Variants in ANP32B observed in about 807,000 individuals in gnomAD.
ANP32B encodes the protein acidic nuclear phosphoprotein 32 family member B.
In ANP32B, 6 loss-of-function variants were observed where a neutral mutation model predicts 32.2. That is an observed-to-expected ratio of 0.19 (90% CI 0.10 to 0.37). The LOEUF (loss-of-function observed/expected upper bound fraction) is 0.37. Among genes scored for constraint, ANP32B ranks in the 10% least tolerant of loss-of-function variants. The probability of loss-of-function intolerance (pLI) is 1.00; values close to 1 mark genes in which losing one functional copy is unlikely to be tolerated. For synonymous variants in ANP32B, 98 were observed against 105.8 expected, an observed-to-expected ratio of 0.93 and a Z score of 0.45; for missense variants, 204 against 289.2, an observed-to-expected ratio of 0.71 and a Z score of 2.14.
chr9:97,988,669 G>C (rs1031256787), intron 1 of ANP32B, among the ~76,000 whole-genome samples: 3 of 152,122 alleles, frequency 2.0e-5, no homozygotes, highest in Non-Finnish European at 2.9e-5. Flanking sequence ...AGTTTGCAGT[G>C]AGCCAAGATA....
chr9:97,983,406 C>CCCGCACG lies in ANP32B; in HGVS notation c.-145_-139dup. On this transcript the variant is annotated 5_prime_UTR_variant, in exon 1 of 7. Transcript: ENST00000339399. Reference sequence around the variant, plus strand: ...TGGCTCCGGGGGCTCCGCTCGCCTGCCCGCACGCCGCCCGCCACCCAGGAC... The same window carrying CCCGCACG: ...TGGCTCCGGGGGCTCCGCTCGCCTGCCCGCACGCCGCACGCCGCCCGCCACCCAGGAC... 1.6e-6 allele frequency: 1 copy of CCCGCACG among 626,346 alleles called. No individual in the cohort carries two copies. Among genetic ancestry groups the CCCGCACG allele is most frequent in the Non-Finnish European group, 2.7e-6 (1 of 369,002 alleles). The allele number at this position is 626,346 out of a possible 1,614,324, so 38.8% of individuals were successfully genotyped here.
rs567115474 is a variant in ANP32B, at chr9:98,005,149, C to T, written c.513C>T (p.Asp171=). The T allele has an allele frequency of 2.6e-5, 42 of 1,612,346 alleles. No homozygotes were observed. The highest frequency in any genetic ancestry group is 1.0e-4 in the Admixed American group (6 of 59,692). Residue 171 remains aspartate (D), a synonymous_variant, in exon 4 of 7, where the codon GAC becomes GAT. Transcript: ENST00000339399. ...EVDGVDEEEE[D]EEGEDEEDED... ...ATGGTGTGGATGAAGAGGAGGAGGACGAAGGTGAGTAGGCTCAGCATCTGG... is the reference window on the plus strand; with the variant it reads ...ATGGTGTGGATGAAGAGGAGGAGGATGAAGGTGAGTAGGCTCAGCATCTGG...
At chr9:97,983,898 A>C (rs991028369) in intron 1 of ANP32B, among the ~76,000 whole-genome samples, 1 of 151,862 alleles carries the variant, frequency 6.6e-6, no homozygotes, top group Non-Finnish European at 1.5e-5. Flanking sequence ...GCGCGTGTGC[A>C]AGTGGCCGGC....
At chr9:98,011,988 C>T (rs1161117358) in intron 5 of ANP32B, among the ~76,000 whole-genome samples, 3 of 152,128 alleles carry the variant, frequency 2.0e-5, no homozygotes, top group Non-Finnish European at 2.9e-5. Flanking sequence ...TAGTTGTTAA[C>T]AAAACGCATC....
Position 97,983,343 on chromosome 9 carries a change from T to C in ANP32B, c.-213T>C. ...GCCCAGCGCTGCGCTCCAGCCCCCT[T>C]TTCCCTCCATGGTTTCTCTCCGCTC... On this transcript the variant is annotated 5_prime_UTR_variant, in exon 1 of 7. Coordinates refer to ENST00000339399, the MANE Select transcript of ANP32B (RefSeq NM_006401.3). The C allele has an allele frequency of 2.0e-6, 1 of 507,926 alleles. No homozygotes were observed. Among genetic ancestry groups the C allele is most frequent in the Non-Finnish European group, 3.5e-6 (1 of 282,536 alleles). 31.5% of individuals were successfully genotyped at this position (507,926 alleles called of 1,614,324 possible).
rs757211452 is a variant in ANP32B at position 97,983,525 on chromosome 9, G to A, written c.-31G>A. 7 of 1,551,852 alleles carry A rather than the reference G, an allele frequency of 4.5e-6. No homozygotes were observed. Among genetic ancestry groups the A allele is most frequent in the South Asian group, 2.4e-5 (2 of 83,554 alleles). ...CCCCCCTCCGCCCCCGCCGCGGAAA[G>A]TTAAGTTTGAAGAGGGGGGAAGAGG... On this transcript the variant is annotated 5_prime_UTR_variant, in exon 1 of 7. Coordinates refer to ENST00000339399, the MANE Select transcript of ANP32B (RefSeq NM_006401.3).
chr9:97,996,445 G>C (rs1243022234), intron 2 of ANP32B, among the ~76,000 whole-genome samples: 1 of 152,164 alleles, frequency 6.6e-6, no homozygotes, highest in African/African-American at 2.4e-5. Flanking sequence ...GGCACGTTAA[G>C]TACACAAATT....
Position 97,996,308 on chromosome 9 carries a change from T to C in ANP32B, c.204+1528T>C, listed in dbSNP as rs374685152. On this transcript the variant is annotated intron_variant, in intron 2 of 6. Coordinates refer to ENST00000339399, the MANE Select transcript of ANP32B (RefSeq NM_006401.3). ...GTTGGTCTCTGTACTCTCAGACTTA[T>C]TCAGAAATTCAGCCTATCAGTGACC... Among the ~76,000 whole-genome samples, 200 of 152,354 alleles carry C rather than the reference T, an allele frequency of 1.3e-3. 1 individual carries two copies. Among genetic ancestry groups the C allele is most frequent in the African/African-American group, 4.6e-3 (192 of 41,596 alleles).
intron 2 of ANP32B, among the ~76,000 whole-genome samples, chr9:97,996,123 A>G (rs1827902310): frequency 6.6e-6 from 1 of 152,124 alleles, no homozygotes; most frequent in South Asian, 2.1e-4. Context: ...TAATTCTTTT[A>G]TATTTGCATG....
At chr9:97,995,233 CTT>C (rs898880835) in intron 2 of ANP32B, among the ~76,000 whole-genome samples, 3 of 152,178 alleles carry the variant, frequency 2.0e-5, no homozygotes, top group African/African-American at 7.2e-5. Flanking sequence ...CTGGAAGAAA[CTT>C]TGCTCCTCTA....
chr9:97,995,208 C>T (rs529756063), intron 2 of ANP32B, among the ~76,000 whole-genome samples: 1 of 152,296 alleles, frequency 6.6e-6, no homozygotes, highest in African/African-American at 2.4e-5. Flanking sequence ...GTCACAGAGT[C>T]CCAGAATGTC....
chr9:98,010,282 T>G (rs532330221), intron 4 of ANP32B, among the ~76,000 whole-genome samples: 32 of 151,506 alleles, frequency 2.1e-4, no homozygotes, highest in South Asian at 4.2e-4. Flanking sequence ...TTTTGTTTTT[T>G]TTTTTTAAAT....
chr9:98,011,142 TAGAA>T, intron 4 of ANP32B, 125 bp from the exon 5 acceptor site: 1 of 1,353,540 alleles, frequency 7.4e-7, no homozygotes, highest in South Asian at 1.6e-5. Context: ...TAGCACATAG[TAGAA>T]AGAAAGTGAC....
At chr9:97,993,930 G>C (rs560603117) in intron 1 of ANP32B, among the ~76,000 whole-genome samples, 67 of 152,308 alleles carry the variant, frequency 4.4e-4, no homozygotes, top group Non-Finnish European at 8.8e-4. Flanking sequence ...ACTGCGCCCG[G>C]CCAGATGTGA....
chr9:97,998,504 TC>T (rs1827940317), intron 2 of ANP32B, 51 bp from the exon 3 acceptor site: 6 of 1,542,158 alleles, frequency 3.9e-6, no homozygotes, highest in Middle Eastern at 2.1e-4. Context: ...TTAAATGATT[TC>T]TGTTTCTCTG....
At chr9:97,992,742 A>C (rs1459011513) in intron 1 of ANP32B, among the ~76,000 whole-genome samples, 1 of 152,216 alleles carries the variant, frequency 6.6e-6, no homozygotes, top group Non-Finnish European at 1.5e-5. Context: ...GTTGCTTTTT[A>C]ATACAGAATA....
intron 1 of ANP32B, chr9:97,987,606 C>T (rs923265172): frequency 2.6e-5 from 4 of 152,230 alleles, no homozygotes; most frequent in African/African-American, 9.7e-5. Flanking sequence ...CATCTGGGGA[C>T]AGTCAGCCTT....
chr9:97,983,455 G>C lies in ANP32B; in HGVS notation c.-101G>C, dbSNP rs1294213507. The C allele has an allele frequency of 4.4e-6, 5 of 1,147,904 alleles. No individual in the cohort carries two copies. In the East Asian group the frequency reaches 1.1e-4, roughly 26 times the overall value. The allele number at this position is 1,147,904 out of a possible 1,614,324, so 71.1% of individuals were successfully genotyped here. ...ACCGCGCCGCCGGCCTCCGCCGCTA[G>C]CAAACCCTTCCGACGGCCCTCGCTG... On this transcript the variant is annotated 5_prime_UTR_variant, in exon 1 of 7. Coordinates refer to ENST00000339399, the MANE Select transcript of ANP32B (RefSeq NM_006401.3).
chr9:98,003,745 A>G (rs1040989260), intron 3 of ANP32B, among the ~76,000 whole-genome samples: 2 of 152,152 alleles, frequency 1.3e-5, no homozygotes, highest in Non-Finnish European at 2.9e-5. Flanking sequence ...ATTTTTTTAG[A>G]AATTATTTTA....
Sources: gnomAD v4.1 joint callset for allele counts (sites outside exome capture counted in the v4.1 genomes callset) on GRCh38, gnomAD v4.1.1 for gene constraint, MANE v1.5 for transcripts, NCBI Gene and HGNC (gene_info 2026-07-23, HGNC 2026-07-21) for gene names.